The following ABCB1 variants were observed in gnomAD, a reference collection of about 807,000 sequenced individuals.
ABCB1 encodes the protein ATP binding cassette subfamily B member 1.
In ABCB1, 69 loss-of-function variants were observed where a neutral mutation model predicts 142.0. That is an observed-to-expected ratio of 0.49 (90% confidence interval 0.40 to 0.59). ABCB1 has a LOEUF of 0.59. ABCB1 is among the 20% of genes least tolerant of loss of function. The pLI is 0.00. For missense variants in ABCB1, 1,326 were observed against 1,554.7 expected (o/e 0.85, Z 2.47); for synonymous variants, 532 against 539.2 (o/e 0.99, Z 0.18).
chr7:87,668,891 C>T (rs1189429696), intron 1 of ABCB1, among the ~76,000 whole-genome samples: 2 of 151,982 alleles, frequency 1.3e-5, no homozygotes, highest in African/African-American at 4.8e-5. Context: ...TTGTTTTATT[C>T]CAATTATTTG....
chr7:87,648,924 A>T (rs191288565), intron 1 of ABCB1, among the ~76,000 whole-genome samples: 72 of 152,222 alleles, frequency 4.7e-4, no homozygotes, highest in African/African-American at 1.6e-3. Flanking sequence ...GATATAACCT[A>T]TATAAACAAA....
upstream of ABCB1, among the ~76,000 whole-genome samples, chr7:87,601,560 A>G (rs1424823044): frequency 6.6e-6 from 1 of 152,260 alleles, no homozygotes; most frequent in Non-Finnish European, 1.5e-5. Flanking sequence ...TAAAATAAAC[A>G]TAGCATGTTT....
At chr7:87,658,585 C>T (rs1390820826) in intron 1 of ABCB1, among the ~76,000 whole-genome samples, 2 of 152,094 alleles carry the variant, frequency 1.3e-5, no homozygotes, top group East Asian at 1.9e-4. Context: ...GCCAAAGGCA[C>T]GATAATTAAA....
intron 4 of ABCB1, among the ~76,000 whole-genome samples, chr7:87,584,374 T>A (rs1025237914): frequency 2.0e-5 from 3 of 152,156 alleles, no homozygotes; most frequent in Non-Finnish European, 1.5e-5. Flanking sequence ...CTAAGTGGTA[T>A]CACTACATTT....
In ABCB1 at chr7:87,531,071, C is replaced by G. The variant is rs926998124; in HGVS notation, c.2685+223G>C. Among the ~76,000 whole-genome samples, 5 of 151,978 alleles carry G rather than the reference C, an allele frequency of 3.3e-5. No homozygotes were observed. In the East Asian group the frequency reaches 9.7e-4, roughly 29 times the overall value. ...CAGTGTGAAGACAATGGCCTGAAAA[C>G]TGAAAAAGTCTGTTAAAGTTAATTA... On this transcript the variant is annotated intron_variant, in intron 21 of 27. Transcript: ENST00000622132.
At chr7:87,679,140 T>G (rs1160250860) in intron 1 of ABCB1, among the ~76,000 whole-genome samples, 1 of 140,024 alleles carries the variant, frequency 7.1e-6, no homozygotes, top group East Asian at 2.2e-4. Context: ...TCCCCCAGGC[T>G]GGAGTGCAGT....
At chr7:87,692,864 T>C (rs1422572323) in intron 1 of ABCB1, among the ~76,000 whole-genome samples, 3 of 152,258 alleles carry the variant, frequency 2.0e-5, no homozygotes, top group African/African-American at 7.2e-5. Context: ...TTATAGATCC[T>C]TTTGGATATG....
intron 1 of ABCB1, among the ~76,000 whole-genome samples, chr7:87,620,869 A>C (rs962990734): frequency 6.6e-6 from 1 of 152,180 alleles, no homozygotes; most frequent in Non-Finnish European, 1.5e-5. Context: ...TTGTGCAAAA[A>C]TGTATAGCTT....
chr7:87,580,032 T>G (rs1466214377), intron 4 of ABCB1, among the ~76,000 whole-genome samples: 1 of 152,214 alleles, frequency 6.6e-6, no homozygotes, highest in Non-Finnish European at 1.5e-5. Flanking sequence ...GTTATTATTT[T>G]TTATAGGTTC....
At chr7:87,565,999 A>C in intron 7 of ABCB1, 71 bp downstream of exon 7, 1 of 1,530,660 alleles carries the variant, frequency 6.5e-7, no homozygotes, top group Non-Finnish European at 9.0e-7. Context: ...TAGTAAAAAG[A>C]CCTTTCCGTA....
chr7:87,540,828 C>T (rs1393664832), intron 18 of ABCB1, among the ~76,000 whole-genome samples: 1 of 152,180 alleles, frequency 6.6e-6, no homozygotes, highest in Non-Finnish European at 1.5e-5. Context: ...AAAAATCTGA[C>T]TCTTTACAAA....
intron 3 of ABCB1, among the ~76,000 whole-genome samples, chr7:87,589,972 C>T (rs1818930990): frequency 6.6e-6 from 1 of 152,082 alleles, no homozygotes; most frequent in African/African-American, 2.4e-5. Context: ...AAAGACTGGG[C>T]TTCCCAGGGC....
chr7:87,571,000 T>C (rs1818027064), intron 4 of ABCB1, among the ~76,000 whole-genome samples: 2 of 152,240 alleles, frequency 1.3e-5, no homozygotes, highest in African/African-American at 4.8e-5. Context: ...AATATTTTAC[T>C]GTTACAAGCA....
chr7:87,668,129 T>C (rs1463983508), intron 1 of ABCB1, among the ~76,000 whole-genome samples: 3 of 151,920 alleles, frequency 2.0e-5, no homozygotes, highest in African/African-American at 4.8e-5. Flanking sequence ...CTTTTTTTTT[T>C]TTGGTAGGCT....
chr7:87,678,089 G>T (rs369135400), intron 1 of ABCB1, among the ~76,000 whole-genome samples: 2 of 152,318 alleles, frequency 1.3e-5, no homozygotes, highest in South Asian at 2.1e-4. Flanking sequence ...AGAAAACTTG[G>T]AACTTCATGA....
At chr7:87,698,881 C>G (rs1013732392) in intron 1 of ABCB1, among the ~76,000 whole-genome samples, 1 of 152,052 alleles carries the variant, frequency 6.6e-6, no homozygotes, top group Non-Finnish European at 1.5e-5. Flanking sequence ...TTTAAAACAC[C>G]CTGAATAATG....
intron 4 of ABCB1, among the ~76,000 whole-genome samples, chr7:87,576,720 T>G (rs1445299800): frequency 1.3e-5 from 2 of 151,642 alleles, no homozygotes; most frequent in African/African-American, 4.8e-5. Context: ...ATAGTCCTGG[T>G]TTTTTTAGTT....
chr7:87,505,458 T>A (rs1425519380), intron 27 of ABCB1, among the ~76,000 whole-genome samples: 1 of 152,224 alleles, frequency 6.6e-6, no homozygotes, highest in East Asian at 1.9e-4. Context: ...AATTTTTTTA[T>A]TGTAGAGAAT....
chr7:87,550,043 A>G lies in ABCB1; in HGVS notation c.1362T>C (p.Asp454=), dbSNP rs202187982. Residue 454 remains aspartate (D), a synonymous_variant, in exon 13 of 28, where the codon GAT becomes GAC. Coordinates refer to ENST00000622132, the MANE Select transcript of ABCB1 (RefSeq NM_001348946.2). Reference sequence around the variant, plus strand: ...CATTTATGGTCCTAATATCCTGTCCATCAACACTGACCTGGAATAAAAAGT... The same window carrying G: ...CATTTATGGTCCTAATATCCTGTCCGTCAACACTGACCTGGAATAAAAAGT... ...YDPTEGMVSV[D]GQDIRTINVR... 6.4e-5 allele frequency: 103 copies of G among 1,614,116 alleles called. No individual in the cohort carries two copies. The highest frequency in any genetic ancestry group is 8.3e-5 in the Non-Finnish European group (98 of 1,180,054).
Sources: allele counts gnomAD v4.1 joint callset (sites outside exome capture counted in the v4.1 genomes callset), GRCh38; gene constraint gnomAD v4.1.1; transcripts MANE v1.5; gene names NCBI Gene and HGNC (gene_info 2026-07-23, HGNC 2026-07-21).